The following ST8SIA6 variants were observed in gnomAD, a reference collection of about 807,000 sequenced individuals.
ST8SIA6 encodes the protein alpha-2,8-sialyltransferase 8F.
Under a neutral mutation model 33.6 loss-of-function variants are expected in ST8SIA6, and 39 were observed. The ratio of observed to expected loss-of-function variants is 1.16; its 90% CI spans 0.90 to 1.52. ST8SIA6 has a LOEUF of 1.52. ST8SIA6 is among the 40% of genes most tolerant of loss of function. The pLI, the probability that ST8SIA6 is intolerant of heterozygous loss-of-function variation, is 0.00. For missense variants in ST8SIA6, 441 were observed against 443.8 expected (o/e 0.99, Z 0.06); for synonymous variants, 172 against 167.2 (o/e 1.03, Z -0.22).
chr10:17,380,737 A>G (rs1850103761), intron 3 of ST8SIA6, among the ~76,000 whole-genome samples: 1 of 151,694 alleles, frequency 6.6e-6, no homozygotes. Flanking sequence ...AACAGCCAAG[A>G]TGTGTGTGTG....
chr10:17,378,410 G>T (rs1849991216), intron 3 of ST8SIA6, among the ~76,000 whole-genome samples: 1 of 152,178 alleles, frequency 6.6e-6, no homozygotes, highest in Non-Finnish European at 1.5e-5. Flanking sequence ...GAGAGTCAAA[G>T]GCAAGTTTTA....
chr10:17,438,473 C>T (rs924299454), intron 2 of ST8SIA6, among the ~76,000 whole-genome samples: 2 of 149,572 alleles, frequency 1.3e-5, no homozygotes, highest in African/African-American at 5.0e-5. Context: ...GAAAACTAAA[C>T]TAAAAAAAAA....
At chr10:17,359,375 A>AGG (rs1179596575) in intron 4 of ST8SIA6, 139 bp downstream of exon 4, 1 of 571,818 alleles carries the variant, frequency 1.7e-6, no homozygotes, top group African/African-American at 1.9e-5. Context: ...GCCTCATGAG[A>AGG]GGGTCTTAGA....
At chr10:17,394,841 G>A (rs932248106) in intron 2 of ST8SIA6, among the ~76,000 whole-genome samples, 2 of 152,106 alleles carry the variant, frequency 1.3e-5, no homozygotes, top group African/African-American at 4.8e-5. Flanking sequence ...CAAGTCATAG[G>A]GGATTGAGAG....
At chr10:17,411,509 A>C (rs1326451554) in intron 2 of ST8SIA6, among the ~76,000 whole-genome samples, 1 of 152,158 alleles carries the variant, frequency 6.6e-6, no homozygotes, top group African/African-American at 2.4e-5. Context: ...ATTGCATGAA[A>C]GTGTATTAAT....
intron 2 of ST8SIA6, among the ~76,000 whole-genome samples, chr10:17,420,068 C>G (rs563281046): frequency 1.3e-5 from 2 of 152,310 alleles, no homozygotes; most frequent in African/African-American, 4.8e-5. Context: ...ATATAGTTAA[C>G]TTTTAAAAAA....
intron 2 of ST8SIA6, among the ~76,000 whole-genome samples, chr10:17,397,806 G>C (rs981757636): frequency 6.6e-6 from 1 of 152,082 alleles, no homozygotes; most frequent in Non-Finnish European, 1.5e-5. Context: ...CATCACTTCA[G>C]TATGTTGCGG....
chr10:17,370,173 T>A (rs991759852), intron 3 of ST8SIA6, among the ~76,000 whole-genome samples: 1 of 151,942 alleles, frequency 6.6e-6, no homozygotes, highest in Non-Finnish European at 1.5e-5. Context: ...TTAGTAGAGA[T>A]GGGGTTTCAC....
chr10:17,401,336 G>A (rs895528459), intron 2 of ST8SIA6, among the ~76,000 whole-genome samples: 5 of 152,294 alleles, frequency 3.3e-5, no homozygotes, highest in South Asian at 2.1e-4. Flanking sequence ...AATCAATATC[G>A]TGAAAATGGC....
At chr10:17,406,027 C>T (rs1237391627) in intron 2 of ST8SIA6, among the ~76,000 whole-genome samples, 1 of 152,078 alleles carries the variant, frequency 6.6e-6, no homozygotes, top group Admixed American at 6.5e-5. Flanking sequence ...TTAGCACAGT[C>T]ATTGGAGTGG....
chr10:17,390,598 G>A lies in ST8SIA6; in HGVS notation c.223C>T (p.Leu75Phe). 6.2e-7 allele frequency: 1 copy of A among 1,613,882 alleles called. No individual in the cohort carries two copies. Among genetic ancestry groups the A allele is most frequent in the Non-Finnish European group, 8.5e-7 (1 of 1,179,834 alleles). Residue 75 changes from leucine (L) to phenylalanine (F), a missense_variant, in exon 3 of 8, where the codon CTC becomes TTC. Transcript: ENST00000377602. ...TNSTYLNEKS[L>F]QLTEKCKNLQ... Reference sequence around the variant, plus strand: ...TTTTTGCATTTCTCCGTCAGTTGGAGCGACTTCTCATTCAGATATGTGCTG... The same window carrying A: ...TTTTTGCATTTCTCCGTCAGTTGGAACGACTTCTCATTCAGATATGTGCTG...
intron 3 of ST8SIA6, among the ~76,000 whole-genome samples, chr10:17,383,535 C>G (rs1305550748): frequency 2.6e-5 from 4 of 152,132 alleles, no homozygotes; most frequent in Non-Finnish European, 2.9e-5. Flanking sequence ...GATAAATTTT[C>G]TTGTCAATTG....
chr10:17,333,688 TATATATATATATA>T (rs1848379210), intron 4 of ST8SIA6, among the ~76,000 whole-genome samples: 2 of 21,324 alleles, frequency 9.4e-5, no homozygotes, highest in South Asian at 2.1e-3. Context: ...TATATATATA[TATATATATATATA>T]TATATATATA....
chr10:17,404,681 G>A (rs10904951), intron 2 of ST8SIA6, among the ~76,000 whole-genome samples: 31 of 151,802 alleles, frequency 2.0e-4, no homozygotes, highest in East Asian at 5.8e-4. Context: ...ATGTTTCCTC[G>A]TAGTGATTTT....
chr10:17,427,531 G>A (rs1851976964), intron 2 of ST8SIA6, among the ~76,000 whole-genome samples: 1 of 152,220 alleles, frequency 6.6e-6, no homozygotes, highest in Admixed American at 6.5e-5. Flanking sequence ...AGCATGAGCC[G>A]AAGCCATAGA....
At chr10:17,400,016 A>G (rs1320606953) in intron 2 of ST8SIA6, among the ~76,000 whole-genome samples, 1 of 152,176 alleles carries the variant, frequency 6.6e-6, no homozygotes, top group Non-Finnish European at 1.5e-5. Flanking sequence ...AAGCAGTTCA[A>G]AGGAGAATGC....
At chr10:17,452,789 G>A (rs528000997) in intron 2 of ST8SIA6, among the ~76,000 whole-genome samples, 3 of 152,258 alleles carry the variant, frequency 2.0e-5, no homozygotes, top group Non-Finnish European at 1.5e-5. Context: ...TTTTTGTGGG[G>A]GGAGGGGAAT....
intron 2 of ST8SIA6, among the ~76,000 whole-genome samples, chr10:17,399,802 C>G (rs751926216): frequency 6.6e-6 from 1 of 151,528 alleles, no homozygotes; most frequent in Non-Finnish European, 1.5e-5. Context: ...CCTGTGGTCC[C>G]AGCTACTCAG....
At position 17,447,845 on chromosome 10, in the gene ST8SIA6, C is replaced by T. The variant is rs987679653; in HGVS notation, c.200+5714G>A. On this transcript the variant is annotated intron_variant, in intron 2 of 7. Coordinates refer to ENST00000377602, the MANE Select transcript of ST8SIA6 (RefSeq NM_001004470.3). ...AAAATTTTTTTTTGAGATAGAGTCT[C>T]ACTCTGTTGTCCAGGATAGAGTGCA... Among the ~76,000 whole-genome samples the T allele has an allele frequency of 8.5e-5, 13 of 152,178 alleles. No individual in the cohort carries two copies. In the East Asian group the frequency reaches 1.7e-3, roughly 20 times the overall value.
Sources: gnomAD v4.1 joint callset for allele counts (sites outside exome capture counted in the v4.1 genomes callset) on GRCh38, gnomAD v4.1.1 for gene constraint, MANE v1.5 for transcripts, NCBI Gene and HGNC (gene_info 2026-07-23, HGNC 2026-07-21) for gene names.